Variants in CWC22 observed in about 807,000 individuals in gnomAD.
The protein encoded by CWC22 is CWC22 spliceosome associated protein.
CWC22 carries 53 observed loss-of-function variants against 117.2 expected under a neutral mutation model. The observed-to-expected ratio is 0.45, with a 90% confidence interval of 0.36 to 0.57. The LOEUF (loss-of-function observed/expected upper bound fraction) is 0.57, where lower values mean the gene tolerates loss of function less well. Ranked by LOEUF, CWC22 falls within the 20% of genes least tolerant of loss-of-function variation. The pLI is 0.00. For missense variants in CWC22, 980 were observed against 1,068.8 expected, an observed-to-expected ratio of 0.92 and a Z score of 1.16; for synonymous variants, 360 against 355.6, an observed-to-expected ratio of 1.01 and a Z score of -0.14.
At position 179,970,480 on chromosome 2, in the gene CWC22, AT is replaced by A; in HGVS notation, c.1210+20del. On this transcript the variant is annotated intron_variant, in intron 11 of 19. Transcript: ENST00000410053. ...TGCTTCTACTTATCCAAACTAAATT[AT>A]TTTATAAAATTTTACATACCTTTCT... The A allele has an allele frequency of 6.7e-7, 1 of 1,501,128 alleles. No homozygotes were observed. The highest frequency in any genetic ancestry group is 2.5e-5 in the East Asian group (1 of 40,596). The allele number at this position is 1,501,128 out of a possible 1,614,324, so 93.0% of individuals were successfully genotyped here.
chr2:179,963,048 G>T (rs1256816783), intron 13 of CWC22, among the ~76,000 whole-genome samples: 5 of 152,072 alleles, frequency 3.3e-5, no homozygotes, highest in African/African-American at 1.2e-4. Context: ...CCACTATGTA[G>T]TAGTGGCTAT....
At chr2:179,952,406 T>A (rs1559284631) in intron 17 of CWC22, 65 bp downstream of exon 17, 1 of 1,254,170 alleles carries the variant, frequency 8.0e-7, no homozygotes, top group Non-Finnish European at 1.1e-6. Flanking sequence ...GATGGGCTTA[T>A]GTCTGCTACA....
In CWC22 at chr2:179,964,596, T is replaced by C. The variant is rs746331412; in HGVS notation, c.1348A>G (p.Ile450Val). The change falls in exon 13 of 20, where the codon ATT becomes GTT. Residue 450 changes from isoleucine to valine, a missense_variant. By Grantham distance (29) the Ile-to-Val change is conservative. Around this residue, in one of 3 missense-constraint regions of CWC22, gnomAD observed 559 missense variants for 602.3 expected, o/e 0.93. Coordinates refer to ENST00000410053, the MANE Select transcript of CWC22 (RefSeq NM_020943.3). Reference sequence around the variant, plus strand: ...GTACGACGAAATGAGACCAGGTTAATTTCTGTTTTGTCATGAATAGTTACT... The same window carrying C: ...GTACGACGAAATGAGACCAGGTTAACTTCTGTTTTGTCATGAATAGTTACT... The part of the protein sequence containing the change: ...QKVTIHDKTE[I>V]NLVSFRRTIY... The C allele has an allele frequency of 1.3e-5, 21 of 1,565,974 alleles. No homozygotes were observed. The South Asian group carries it at 2.1e-4, about 16-fold the overall frequency.
At chr2:179,963,039 C>T (rs1387095438) in intron 13 of CWC22, among the ~76,000 whole-genome samples, 2 of 152,008 alleles carry the variant, frequency 1.3e-5, no homozygotes, top group Non-Finnish European at 2.9e-5. Context: ...GGACTGACAC[C>T]ACTATGTAGT....
intron 1 of CWC22, among the ~76,000 whole-genome samples, chr2:179,998,008 G>C (rs562884625): frequency 1.3e-5 from 2 of 152,198 alleles, no homozygotes; most frequent in African/African-American, 4.8e-5. Flanking sequence ...ATATATTGGG[G>C]CCCACCTCTG....
Position 179,950,732 on chromosome 2 carries a change from C to T in CWC22, c.1920G>A (p.Thr640=), listed in dbSNP as rs1307720095. The change falls in exon 19 of 20, where the codon ACG becomes ACA. Residue 640 remains threonine, a splice_region_variant and synonymous_variant. Coordinates refer to ENST00000410053, the MANE Select transcript of CWC22 (RefSeq NM_020943.3). ...TTTTGAGATGCTCCCGCAGTTCATCCCTAATTTAAAATATAATCTGTTAGA... is the reference window on the plus strand; with the variant it reads ...TTTTGAGATGCTCCCGCAGTTCATCTCTAATTTAAAATATAATCTGTTAGA... ...FFTSIGLGGL[T]DELREHLKNT... is the part of the protein sequence containing the mutation. The T allele has an allele frequency of 6.2e-7, 1 of 1,612,130 alleles. No homozygotes were observed.
Position 179,973,617 on chromosome 2 carries a change from A to G in CWC22, c.750+17T>C. 6.7e-7 allele frequency: 1 copy of G among 1,500,896 alleles called. No individual in the cohort carries two copies. The highest frequency in any genetic ancestry group is 9.1e-7 in the Non-Finnish European group (1 of 1,100,970). The allele number at this position is 1,500,896 out of a possible 1,614,324, so 93.0% of individuals were successfully genotyped here. A position where few individuals can be genotyped will look rare whatever the true frequency, so the allele number is the denominator to read the frequency against. ...TGTTCCTATGTATCATTCTACTTACAAGCCATTCATATATACCTTGTCATT... is the reference window on the plus strand; with the variant it reads ...TGTTCCTATGTATCATTCTACTTACGAGCCATTCATATATACCTTGTCATT... On this transcript the variant is annotated intron_variant, in intron 7 of 19. Coordinates refer to ENST00000410053, the MANE Select transcript of CWC22 (RefSeq NM_020943.3).
At chr2:180,002,261 C>T (rs566974980) in intron 1 of CWC22, among the ~76,000 whole-genome samples, 2 of 152,308 alleles carry the variant, frequency 1.3e-5, no homozygotes, top group East Asian at 3.9e-4. Context: ...TCCTTACTCC[C>T]TGTAAGTCAC....
chr2:179,962,819 T>G (rs4123360), intron 13 of CWC22, among the ~76,000 whole-genome samples: 99,324 of 151,876 alleles, frequency 0.65, 32,955 homozygotes, highest in Middle Eastern at 0.71. Context: ...GTTGTTACCA[T>G]AAAGAAATGA....
chr2:179,975,075 A>C (rs1187060958), intron 6 of CWC22, among the ~76,000 whole-genome samples: 3 of 152,184 alleles, frequency 2.0e-5, no homozygotes, highest in African/African-American at 4.8e-5. Flanking sequence ...TTAAAGATGA[A>C]TCATAGTCAT....
In CWC22 at chr2:179,970,744, G is replaced by C. The variant is rs576619715; in HGVS notation, c.1053C>G (p.Pro351=). The C allele has an allele frequency of 4.3e-6, 7 of 1,613,608 alleles. No individual in the cohort carries two copies. In the East Asian group the frequency reaches 1.3e-4, roughly 31 times the overall value. Residue 351 remains proline (P), a synonymous_variant, in exon 10 of 20, where the codon CCC becomes CCG. Coordinates refer to ENST00000410053, the MANE Select transcript of CWC22 (RefSeq NM_020943.3). ...AVRKDGFKDH[P]IILEGLDLVE... ...CCAAATCAAGACCTTCTAGGATAAT[G>C]GGGTGGTCCTTGAATCCATCTTTCC...
At chr2:179,971,283 G>A (rs1169395995) in intron 8 of CWC22, among the ~76,000 whole-genome samples, 1 of 152,054 alleles carries the variant, frequency 6.6e-6, no homozygotes, top group Non-Finnish European at 1.5e-5. Context: ...AGAATTTTCA[G>A]ATGACTGTTT....
At chr2:179,963,022 G>A (rs1486933136) in intron 13 of CWC22, among the ~76,000 whole-genome samples, 1 of 152,080 alleles carries the variant, frequency 6.6e-6, no homozygotes, top group African/African-American at 2.4e-5. Context: ...AGGAGTTACT[G>A]CTACTAGGAC....
intron 8 of CWC22, among the ~76,000 whole-genome samples, chr2:179,971,993 G>A (rs1687047275): frequency 1.3e-5 from 2 of 152,146 alleles, no homozygotes; most frequent in South Asian, 2.1e-4. Flanking sequence ...ATCATATCGA[G>A]TGTTTCATGG....
intron 6 of CWC22, among the ~76,000 whole-genome samples, chr2:179,976,629 A>C (rs1264469463): frequency 1.3e-5 from 2 of 152,202 alleles, no homozygotes; most frequent in Non-Finnish European, 2.9e-5. Flanking sequence ...AAGATGTACA[A>C]ATAGCATATA....
intron 6 of CWC22, among the ~76,000 whole-genome samples, chr2:179,976,195 C>T (rs1687148577): frequency 6.6e-6 from 1 of 151,966 alleles, no homozygotes; most frequent in Admixed American, 6.6e-5. Context: ...AACAGAATAC[C>T]CAGATGCAGA....
chr2:180,003,108 T>C (rs1272707199), intron 1 of CWC22, among the ~76,000 whole-genome samples: 1 of 152,184 alleles, frequency 6.6e-6, no homozygotes, highest in Non-Finnish European at 1.5e-5. Context: ...CATCAAGGAA[T>C]ACAACAGCAG....
At position 179,976,429 on chromosome 2, in the gene CWC22, AG is replaced by A. The variant is rs542351107; in HGVS notation, c.581+1760del. 2.0e-3 allele frequency among the ~76,000 whole-genome samples: 308 copies of A among 152,348 alleles called. 2 individuals are homozygous for A. The highest frequency in any genetic ancestry group is 6.9e-3 in the African/African-American group (288 of 41,590). On this transcript the variant is annotated intron_variant, in intron 6 of 19. Coordinates refer to ENST00000410053, the MANE Select transcript of CWC22 (RefSeq NM_020943.3). ...GAGACAAATGGGATTACATAAAACT[AG>A]AATGCTTCTGCACAGCACAGGAAAA...
intron 1 of CWC22, among the ~76,000 whole-genome samples, 155 bp downstream of exon 1, chr2:180,006,712 A>G (rs908641722): frequency 2.0e-5 from 3 of 152,326 alleles, no homozygotes; most frequent in South Asian, 4.1e-4. Flanking sequence ...GCAAGCCCCA[A>G]TGGACTCCAG....
Sources: gnomAD v4.1 joint callset for allele counts (sites outside exome capture counted in the v4.1 genomes callset) on GRCh38, gnomAD v4.1.1 for gene constraint, gnomAD v4.1.1 regional missense constraint, MANE v1.5 for transcripts, NCBI Gene and HGNC (gene_info 2026-07-23, HGNC 2026-07-21) for gene names.